DIS3L2: variants seen among roughly 807,000 people sequenced by gnomAD.
DIS3L2 encodes the protein DIS3-like exonuclease 2.
A neutral mutation model predicts 97.5 loss-of-function variants in DIS3L2; 34 were observed. The observed-to-expected ratio is 0.35, with a 90% confidence interval of 0.27 to 0.46. The LOEUF (loss-of-function observed/expected upper bound fraction) is 0.46. Among genes scored for constraint, DIS3L2 ranks in the 20% least tolerant of loss-of-function variants. The pLI is 1.00. For missense variants in DIS3L2, 1,038 were observed against 1,146.0 expected (o/e 0.91, Z 1.36); for synonymous variants, 435 against 445.2 (o/e 0.98, Z 0.29).
In DIS3L2 at chr2:232,306,663, A is replaced by G. The variant is rs550722215; in HGVS notation, c.1739+6544A>G. Among the ~76,000 whole-genome samples, 3 of 152,368 alleles carry G rather than the reference A, an allele frequency of 2.0e-5. No homozygotes were observed. The South Asian group carries it at 6.2e-4, about 32-fold the overall frequency. ...ATATGGTCACTCATTTAGCAAATGTATAGAGAATATCTGCTATATACCTGT... is the reference window on the plus strand; with the variant it reads ...ATATGGTCACTCATTTAGCAAATGTGTAGAGAATATCTGCTATATACCTGT... On this transcript the variant is annotated intron_variant, in intron 14 of 20. Coordinates refer to ENST00000325385, the MANE Select transcript of DIS3L2 (RefSeq NM_152383.5).
intron 1 of DIS3L2, among the ~76,000 whole-genome samples, chr2:232,011,517 A>C (rs1356435003): frequency 6.6e-6 from 1 of 150,596 alleles, no homozygotes; most frequent in Admixed American, 6.6e-5. Context: ...CACGCACACT[A>C]ATTTTGTGTT....
chr2:232,329,421 C>T (rs1200542928), intron 14 of DIS3L2: 8 of 183,078 alleles, frequency 4.4e-5, no homozygotes, highest in East Asian at 1.4e-4. Context: ...CTGGGCTGCC[C>T]GAGTGTTCCA....
In DIS3L2 at chr2:232,336,991, G is replaced by A. The variant is rs1695979365; in HGVS notation, c.*361G>A. On this transcript the variant is annotated 3_prime_UTR_variant, in exon 21 of 21. Coordinates refer to ENST00000325385, the MANE Select transcript of DIS3L2 (RefSeq NM_152383.5). ...TGTGGAGTGCCATCTGGTGTGTAGG[G>A]CGCCTCTGGGAAGCCTGGGCAGCAG... is the stretch of plus-strand genomic sequence containing the variant. The A allele has an allele frequency of 2.7e-6, 3 of 1,108,080 alleles. No individual in the cohort carries two copies. Among genetic ancestry groups the A allele is most frequent in the Non-Finnish European group, 2.2e-6 (2 of 904,634 alleles). The allele number at this position is 1,108,080 out of a possible 1,614,324, so 68.6% of individuals were successfully genotyped here. A position where few individuals can be genotyped will look rare whatever the true frequency, so the allele number is the denominator to read the frequency against.
intron 1 of DIS3L2, among the ~76,000 whole-genome samples, chr2:232,005,836 G>T (rs569124399): frequency 2.6e-5 from 4 of 152,176 alleles, no homozygotes; most frequent in Admixed American, 1.3e-4. Flanking sequence ...TAAGAGATGC[G>T]CCTGGAAGGA....
rs1464815476 is a variant in DIS3L2 at position 232,125,883 on chromosome 2, A to AG, written c.602-4730dup. Among the ~76,000 whole-genome samples, 10 of 152,164 alleles carry AG rather than the reference A, an allele frequency of 6.6e-5. 1 individual carries two copies. Among genetic ancestry groups the AG allele is most frequent in the Non-Finnish European group, 1.2e-4 (8 of 68,012 alleles). ...TTCATTTCTACATTTCACTGAAGAG[A>AG]GGGGGGCCCATAAGATAAGTTTTCC... On this transcript the variant is annotated intron_variant, in intron 6 of 20. Transcript: ENST00000325385.
intron 11 of DIS3L2, among the ~76,000 whole-genome samples, chr2:232,239,113 G>A (rs1693012968): frequency 1.3e-5 from 2 of 152,242 alleles, no homozygotes; most frequent in Admixed American, 6.5e-5. Context: ...GGGAGTCTCC[G>A]AGATGGAAAA....
intron 4 of DIS3L2, among the ~76,000 whole-genome samples, chr2:232,026,396 T>G (rs756400278): frequency 7.9e-5 from 12 of 152,234 alleles, no homozygotes; most frequent in Non-Finnish European, 1.5e-4. Flanking sequence ...TCTTCCCTTC[T>G]CAGTGCTAGC....
intron 8 of DIS3L2, among the ~76,000 whole-genome samples, chr2:232,159,346 G>A (rs1052463537): frequency 1.1e-4 from 16 of 152,302 alleles, no homozygotes; most frequent in South Asian, 4.1e-4. Flanking sequence ...CTGCTATCAC[G>A]AGAAGCCATT....
At chr2:232,082,888 T>A (rs1696446509) in intron 5 of DIS3L2, among the ~76,000 whole-genome samples, 1 of 152,020 alleles carries the variant, frequency 6.6e-6, no homozygotes, top group African/African-American at 2.4e-5. Flanking sequence ...AAGAAAGAGG[T>A]TAATGGATTC....
intron 14 of DIS3L2, chr2:232,329,496 C>G: frequency 3.1e-6 from 1 of 318,190 alleles, no homozygotes; most frequent in Non-Finnish European, 5.7e-6. Context: ...GGCTGCTGAG[C>G]TCTGGGGCTG....
chr2:232,076,875 A>G (rs1360557868), intron 5 of DIS3L2, among the ~76,000 whole-genome samples: 2 of 152,136 alleles, frequency 1.3e-5, no homozygotes, highest in African/African-American at 4.8e-5. Context: ...CACTCCCAGT[A>G]TTGCATAGTG....
rs529468340 is a variant in DIS3L2, at chr2:232,333,881, G to A, written c.2052G>A (p.Ala684=). The change falls in exon 17 of 21, where the codon GCG becomes GCA. Residue 684 remains alanine, a synonymous_variant. Coordinates refer to ENST00000325385, the MANE Select transcript of DIS3L2 (RefSeq NM_152383.5). The stretch of plus-strand genomic sequence containing the variant: ...GCTCGGGGCTGCTGCAGGACCCAGC[G>A]CAGTTCCGGCACTACGCGCTCAATG... The part of the protein sequence containing the change: ...YFCSGLLQDP[A]QFRHYALNVP... 8.7e-6 allele frequency: 14 copies of A among 1,612,850 alleles called. No homozygotes were observed. Among genetic ancestry groups the A allele is most frequent in the Admixed American group, 1.7e-5 (1 of 60,012 alleles).
At chr2:232,182,611 T>C (rs1691322614) in intron 9 of DIS3L2, among the ~76,000 whole-genome samples, 2 of 152,212 alleles carry the variant, frequency 1.3e-5, no homozygotes, top group Admixed American at 6.5e-5. Context: ...TAGATGCATG[T>C]GTGTTTATAA....
intron 14 of DIS3L2, among the ~76,000 whole-genome samples, chr2:232,305,441 T>C (rs577667770): frequency 6.6e-6 from 1 of 152,306 alleles, no homozygotes; most frequent in East Asian, 1.9e-4. Flanking sequence ...AATCCGCCTA[T>C]TACTATTAAT....
chr2:232,153,629 T>C (rs1242355613), intron 8 of DIS3L2, among the ~76,000 whole-genome samples: 1 of 102,916 alleles, frequency 9.7e-6, no homozygotes, highest in Non-Finnish European at 1.9e-5. Flanking sequence ...TGGCTGCCCT[T>C]AACATTTTTT....
chr2:232,093,773 A>C (rs1238791127), intron 6 of DIS3L2, among the ~76,000 whole-genome samples: 1 of 152,038 alleles, frequency 6.6e-6, no homozygotes, highest in South Asian at 2.1e-4. Flanking sequence ...GTCTGGCTAA[A>C]GATTTGTCAG....
intron 9 of DIS3L2, among the ~76,000 whole-genome samples, chr2:232,175,904 T>C (rs944374213): frequency 5.9e-5 from 9 of 152,118 alleles, no homozygotes; most frequent in African/African-American, 2.2e-4. Flanking sequence ...TATTTTTTAT[T>C]TTTAGACGGA....
chr2:232,190,495 A>G (rs1691585137), intron 9 of DIS3L2, among the ~76,000 whole-genome samples: 1 of 152,238 alleles, frequency 6.6e-6, no homozygotes, highest in African/African-American at 2.4e-5. Context: ...TGAACGACAC[A>G]ATTTTTGGAT....
At chr2:232,054,754 T>C (rs913770491) in intron 5 of DIS3L2, among the ~76,000 whole-genome samples, 2 of 152,184 alleles carry the variant, frequency 1.3e-5, no homozygotes, top group Non-Finnish European at 2.9e-5. Context: ...AAAATGTTTT[T>C]TGAGGCCAGT....
Sources: allele counts gnomAD v4.1 joint callset (sites outside exome capture counted in the v4.1 genomes callset), GRCh38; gene constraint gnomAD v4.1.1; transcripts MANE v1.5; gene names NCBI Gene and HGNC (gene_info 2026-07-23, HGNC 2026-07-21).